The following TMC1 variants were observed in gnomAD, a reference collection of about 807,000 sequenced individuals.
TMC1 encodes the protein transmembrane channel-like protein 1.
A neutral mutation model predicts 105.8 loss-of-function variants in TMC1; 84 were observed. The ratio of observed to expected loss-of-function variants is 0.79; its 90% CI spans 0.67 to 0.95. The LOEUF is 0.95. TMC1 is among the 40% of genes least tolerant of loss of function. The probability of loss-of-function intolerance (pLI) is 0.00; values close to 1 mark genes in which losing one functional copy is unlikely to be tolerated. For missense variants in TMC1, 817 were observed against 914.1 expected, an observed-to-expected ratio of 0.89 and a Z score of 1.37; for synonymous variants, 315 against 311.5, an observed-to-expected ratio of 1.01 and a Z score of -0.12.
At chr9:72,805,334 C>T in intron 17 of TMC1, 48 bp from the exon 18 acceptor site, 1 of 1,606,352 alleles carries the variant, frequency 6.2e-7, no homozygotes, top group South Asian at 1.1e-5. Flanking sequence ...ACACTAGGAC[C>T]ATTTGAAGAC....
intron 8 of TMC1, among the ~76,000 whole-genome samples, chr9:72,716,630 G>T (rs1439768063): frequency 6.6e-6 from 1 of 152,134 alleles, no homozygotes; most frequent in Non-Finnish European, 1.5e-5. Context: ...GCTCGAGCAT[G>T]CCAGATCGAG....
At chr9:72,609,287 C>G (rs763929472) in intron 2 of TMC1, among the ~76,000 whole-genome samples, 1 of 151,488 alleles carries the variant, frequency 6.6e-6, no homozygotes, top group Non-Finnish European at 1.5e-5. Flanking sequence ...GCCTGTAATC[C>G]TAGCACTTTG....
At chr9:72,672,610 TATTA>T (rs568429702) in intron 5 of TMC1, among the ~76,000 whole-genome samples, 49 of 152,082 alleles carry the variant, frequency 3.2e-4, no homozygotes, top group East Asian at 7.7e-4. Flanking sequence ...ACTAATAAAA[TATTA>T]ATTAATTAAT....
chr9:72,816,069 C>T (rs139272087), intron 18 of TMC1, 74 bp from the exon 19 acceptor site: 1 of 1,319,326 alleles, frequency 7.6e-7, no homozygotes, highest in African/African-American at 1.4e-5. Context: ...CCTAGCCATG[C>T]CTATGCAGAA....
chr9:72,717,726 T>G (rs972019947), intron 8 of TMC1, among the ~76,000 whole-genome samples: 12 of 152,170 alleles, frequency 7.9e-5, no homozygotes, highest in African/African-American at 2.9e-4. Flanking sequence ...GCTCTTAAGA[T>G]TTTTCCCTCT....
In TMC1 at chr9:72,790,188, T is replaced by G. The variant is rs1828242738; in HGVS notation, c.1224+871T>G. Among the ~76,000 whole-genome samples the G allele has an allele frequency of 2.0e-5, 3 of 152,162 alleles. No individual in the cohort carries two copies. In the South Asian group the frequency reaches 6.2e-4, roughly 31 times the overall value. ...GATTTAGGCTGTGGGAAGTGTAGAC[T>G]TCCCACACTGAAACTTTTGCAGAAC... On this transcript the variant is annotated intron_variant, in intron 15 of 23. Transcript: ENST00000297784.
intron 18 of TMC1, among the ~76,000 whole-genome samples, chr9:72,813,948 CT>C (rs1828742875): frequency 6.6e-6 from 1 of 152,146 alleles, no homozygotes; most frequent in Admixed American, 6.5e-5. Flanking sequence ...GGGGTTGTTC[CT>C]CCAGCTGTCC....
intron 21 of TMC1, among the ~76,000 whole-genome samples, chr9:72,829,521 A>G (rs929660267): frequency 6.6e-6 from 1 of 152,140 alleles, no homozygotes; most frequent in African/African-American, 2.4e-5. Flanking sequence ...ACACACACAA[A>G]CATTTATTGA....
chr9:72,646,535 T>A (rs1442446845), intron 4 of TMC1, among the ~76,000 whole-genome samples: 1 of 152,208 alleles, frequency 6.6e-6, no homozygotes, highest in Non-Finnish European at 1.5e-5. Context: ...TTTCTTCTTA[T>A]GTTTATGGGC....
intron 12 of TMC1, among the ~76,000 whole-genome samples, chr9:72,770,160 C>T (rs535749361): frequency 1.6e-4 from 24 of 152,086 alleles, no homozygotes; most frequent in South Asian, 1.2e-3. Context: ...AGCTCACCCA[C>T]TCCCTCTGCT....
intron 5 of TMC1, among the ~76,000 whole-genome samples, chr9:72,680,402 T>C (rs929574574): frequency 8.5e-5 from 13 of 152,110 alleles, no homozygotes; most frequent in African/African-American, 3.1e-4. Flanking sequence ...CATTAAGTGT[T>C]GACTGTGTTA....
chr9:72,804,242 G>A (rs185547952), intron 17 of TMC1, among the ~76,000 whole-genome samples: 23 of 152,282 alleles, frequency 1.5e-4, no homozygotes, highest in Admixed American at 1.4e-3. Flanking sequence ...GGGGGTAAGG[G>A]AGAAATGAGA....
chr9:72,816,647 C>G (rs909261259), intron 19 of TMC1, among the ~76,000 whole-genome samples: 2 of 152,020 alleles, frequency 1.3e-5, no homozygotes, highest in African/African-American at 4.8e-5. Context: ...AAAAATAATA[C>G]CTTATCAAAT....
At chr9:72,698,883 C>T (rs1448340588) in intron 7 of TMC1, among the ~76,000 whole-genome samples, 1 of 152,094 alleles carries the variant, frequency 6.6e-6, no homozygotes, top group East Asian at 1.9e-4. Context: ...CAAGGACGCT[C>T]AGCTCCAGGA....
intron 1 of TMC1, among the ~76,000 whole-genome samples, chr9:72,532,648 G>A (rs181658613): frequency 1.1e-4 from 17 of 151,390 alleles, no homozygotes; most frequent in Admixed American, 7.2e-4. Flanking sequence ...TGGAAGAACC[G>A]GTGAGGTAGG....
At chr9:72,778,524 G>T (rs1475826736) in intron 13 of TMC1, among the ~76,000 whole-genome samples, 1 of 152,154 alleles carries the variant, frequency 6.6e-6, no homozygotes, top group African/African-American at 2.4e-5. Context: ...CTGATAGGGG[G>T]AGCTGCTTGA....
chr9:72,733,135 T>A (rs1026117735), intron 8 of TMC1, among the ~76,000 whole-genome samples: 2 of 151,572 alleles, frequency 1.3e-5, no homozygotes, highest in African/African-American at 4.9e-5. Flanking sequence ...ACAGAGAACA[T>A]GTGCAGAGTT....
At chr9:72,811,766 T>G (rs184064878) in intron 18 of TMC1, among the ~76,000 whole-genome samples, 1 of 152,260 alleles carries the variant, frequency 6.6e-6, no homozygotes, top group Admixed American at 6.5e-5. Context: ...TGAAGGATGC[T>G]CAGGATTATC....
intron 1 of TMC1, among the ~76,000 whole-genome samples, chr9:72,570,280 A>G (rs188809006): frequency 1.5e-4 from 22 of 150,886 alleles, no homozygotes; most frequent in African/African-American, 4.4e-4. Context: ...ATACTTATAT[A>G]CAAATTTCTT....
Sources: gnomAD v4.1 joint callset for allele counts (sites outside exome capture counted in the v4.1 genomes callset) on GRCh38, gnomAD v4.1.1 for gene constraint, MANE v1.5 for transcripts, NCBI Gene and HGNC (gene_info 2026-07-23, HGNC 2026-07-21) for gene names.